The following FREM1 variants were observed in gnomAD, a reference collection of about 807,000 sequenced individuals.
The protein encoded by FREM1 is FRAS1-related extracellular matrix protein 1.
In FREM1, 220 loss-of-function variants were observed where a neutral mutation model predicts 210.1. The ratio of observed to expected loss-of-function variants is 1.05; its 90% CI spans 0.94 to 1.17. FREM1 has a LOEUF of 1.17. FREM1 is among the 50% of genes most tolerant of loss of function. The pLI is 0.00. For synonymous variants in FREM1, 1,189 were observed against 980.2 expected (o/e 1.21, Z -3.98); for missense variants, 3,454 against 2,675.5 (o/e 1.29, Z -6.42).
At chr9:14,839,359 T>G (rs1825212894) in intron 10 of FREM1, among the ~76,000 whole-genome samples, 1 of 152,124 alleles carries the variant, frequency 6.6e-6, no homozygotes, top group Non-Finnish European at 1.5e-5. Flanking sequence ...GGTCATAAGT[T>G]TAAAACGCTG....
At chr9:14,788,828 G>C (rs776817968) in intron 23 of FREM1, 91 bp downstream of exon 23, 1 of 963,596 alleles carries the variant, frequency 1.0e-6, no homozygotes, top group Non-Finnish European at 1.5e-6. Flanking sequence ...AAGGAAAGAA[G>C]GGAGGGAAAG....
intron 1 of FREM1, among the ~76,000 whole-genome samples, chr9:14,904,780 C>T (rs1817403647): frequency 6.6e-6 from 1 of 152,136 alleles, no homozygotes; most frequent in Non-Finnish European, 1.5e-5. Flanking sequence ...CCCCTGCACA[C>T]CTCTCCAACC....
intron 24 of FREM1, chr9:14,779,356 G>A (rs1363826586): frequency 1.3e-5 from 4 of 307,940 alleles, no homozygotes; most frequent in Non-Finnish European, 1.9e-5. Flanking sequence ...TAATTGTAGA[G>A]CTATAGACAT....
At chr9:14,830,323 G>A (rs1224893158) in intron 10 of FREM1, among the ~76,000 whole-genome samples, 1 of 152,104 alleles carries the variant, frequency 6.6e-6, no homozygotes, top group East Asian at 1.9e-4. Context: ...TTCCTTATAA[G>A]TCTGTAGCCA....
intron 24 of FREM1, among the ~76,000 whole-genome samples, chr9:14,780,218 C>T (rs1001070255): frequency 6.6e-6 from 1 of 152,034 alleles, no homozygotes; most frequent in Non-Finnish European, 1.5e-5. Context: ...TTACATCCCC[C>T]TGAGAAGAGA....
At chr9:14,860,676 C>T (rs979135363) in intron 3 of FREM1, among the ~76,000 whole-genome samples, 1 of 107,184 alleles carries the variant, frequency 9.3e-6, no homozygotes, top group South Asian at 2.6e-4. Flanking sequence ...TATATACACA[C>T]ATATATACAC....
chr9:14,737,611 A>C lies in FREM1; in HGVS notation c.6341-16T>G. 2.0e-6 allele frequency: 3 copies of C among 1,493,518 alleles called. No homozygotes were observed. The highest frequency in any genetic ancestry group is 2.7e-6 in the Non-Finnish European group (3 of 1,120,790). The allele number at this position is 1,493,518 out of a possible 1,614,324, so 92.5% of individuals were successfully genotyped here. ...TCGTTCAAACCTAATGTGAACCAAA[A>C]GAATGTACCAATTACTTTTATTGCG... On this transcript the variant is annotated splice_polypyrimidine_tract_variant and intron_variant, in intron 36 of 36. Transcript: ENST00000380880.
At chr9:14,832,575 G>A (rs1334638377) in intron 10 of FREM1, among the ~76,000 whole-genome samples, 2 of 152,174 alleles carry the variant, frequency 1.3e-5, no homozygotes, top group East Asian at 3.9e-4. Flanking sequence ...TTCTTTTGCA[G>A]TTTAAAATGG....
rs140592527 is a variant in FREM1, at chr9:14,863,995, GCT to G, written c.235-94_235-93del. 1.5e-3 allele frequency: 1,188 copies of G among 769,494 alleles called. 8 individuals are homozygous for G. The African/African-American group carries it at 0.018, about 12-fold the overall frequency. 47.7% of individuals were successfully genotyped at this position (769,494 alleles called of 1,614,324 possible). ...GGAGAGCACTGCCTGGAGAAAATAT[GCT>G]CTGTTAGTAATGTGTGTATGTGTGT... On this transcript the variant is annotated intron_variant, in intron 2 of 36. Coordinates refer to ENST00000380880, the MANE Select transcript of FREM1 (RefSeq NM_001379081.2).
intron 5 of FREM1, among the ~76,000 whole-genome samples, chr9:14,852,426 G>A (rs559877075): frequency 1.3e-5 from 2 of 152,232 alleles, no homozygotes; most frequent in Admixed American, 6.5e-5. Context: ...GGTAGCTCAC[G>A]CCTGCAATCC....
intron 1 of FREM1, among the ~76,000 whole-genome samples, chr9:14,903,453 G>C (rs1839133065): frequency 6.6e-6 from 1 of 152,124 alleles, no homozygotes; most frequent in African/African-American, 2.4e-5. Flanking sequence ...CATGTTAAAA[G>C]GGGCTATTTT....
In FREM1 at chr9:14,740,169, C is replaced by T. The variant is rs2131868379; in HGVS notation, c.6320G>A (p.Gly2107Glu). ...QHMRWLWDIG[G>E]RKSFWIGLND... is the part of the protein sequence containing the mutation. ...CTTGCCTATCCAAAAGGACTTTCTC[C>T]CACCAATGTCCCAGAGCCACCGCAT... is the stretch of plus-strand genomic sequence containing the variant. The change falls in exon 36 of 37, where the codon GGG (glycine) becomes GAG (glutamate). Residue 2107 changes from glycine to glutamate, a missense_variant. Transcript: ENST00000380880. 6.2e-7 allele frequency: 1 copy of T among 1,612,330 alleles called. No homozygotes were observed. Among genetic ancestry groups the T allele is most frequent in the Non-Finnish European group, 8.5e-7 (1 of 1,178,926 alleles).
chr9:14,835,251 G>T (rs1396693695), intron 10 of FREM1, among the ~76,000 whole-genome samples: 1 of 152,204 alleles, frequency 6.6e-6, no homozygotes, highest in Non-Finnish European at 1.5e-5. Flanking sequence ...TTTAATAATT[G>T]AGTAAGGTAT....
intron 22 of FREM1, chr9:14,791,133 A>T (rs902088859): frequency 6.6e-6 from 1 of 152,196 alleles, no homozygotes; most frequent in Non-Finnish European, 1.5e-5. Flanking sequence ...CTACCATTGA[A>T]ATAAACATTT....
chr9:14,908,834 A>G (rs1018010788), intron 1 of FREM1, among the ~76,000 whole-genome samples: 4 of 152,198 alleles, frequency 2.6e-5, no homozygotes, highest in African/African-American at 4.8e-5. Context: ...CTGGGAACTG[A>G]GAACCTGCCT....
chr9:14,802,617 C>T (rs1231458773), intron 19 of FREM1, among the ~76,000 whole-genome samples: 1 of 152,124 alleles, frequency 6.6e-6, no homozygotes. Flanking sequence ...TAGAACTTGA[C>T]AATATGTTAC....
chr9:14,775,754 A>G (rs371838538), intron 25 of FREM1, 35 bp downstream of exon 25: 3 of 1,323,872 alleles, frequency 2.3e-6, no homozygotes, highest in Non-Finnish European at 2.1e-6. Flanking sequence ...CTGTTTTCAC[A>G]TCTCTGGCAA....
chr9:14,824,817 G>A lies in FREM1; in HGVS notation c.2057C>T (p.Pro686Leu), dbSNP rs1010959655. The part of the protein sequence containing the change: ...RELVYTITTP[P>L]FFSFSHRHLD... ...ATACCTGTGGCTGAAGGAGAAAAAT[G>A]GAGGAGTAGTTATTGTGTAGACCAG... Residue 686 changes from proline to leucine, a missense_variant, in exon 11 of 37, where the codon CCA (proline) becomes CTA (leucine). Transcript: ENST00000380880. 5 of 1,611,732 alleles carry A rather than the reference G, an allele frequency of 3.1e-6. No homozygotes were observed. In the African/African-American group the frequency reaches 6.7e-5, roughly 22 times the overall value.
intron 20 of FREM1, among the ~76,000 whole-genome samples, chr9:14,800,707 G>C (rs1817108962): frequency 6.6e-6 from 1 of 152,074 alleles, no homozygotes; most frequent in Non-Finnish European, 1.5e-5. Flanking sequence ...TAGTCTAAAA[G>C]TGAAAGAAAA....
Sources: gnomAD v4.1 joint callset for allele counts (sites outside exome capture counted in the v4.1 genomes callset) on GRCh38, gnomAD v4.1.1 for gene constraint, MANE v1.5 for transcripts, NCBI Gene and HGNC (gene_info 2026-07-23, HGNC 2026-07-21) for gene names.